Variants in CDH2 observed in about 807,000 individuals in gnomAD.
The protein encoded by CDH2 is cadherin-2.
Under a neutral mutation model 92.0 loss-of-function variants are expected in CDH2, and 17 were observed. The observed-to-expected ratio is 0.18, with a 90% confidence interval of 0.13 to 0.28. CDH2 has a LOEUF of 0.28. Ranked by LOEUF, CDH2 falls within the 10% of genes least tolerant of loss-of-function variation. CDH2 has a pLI of 1.00. For missense variants in CDH2, 862 were observed against 1,133.1 expected (o/e 0.76, Z 3.44); for synonymous variants, 419 against 415.9 (o/e 1.01, Z -0.09).
In CDH2 at chr18:28,167,875, A is replaced by G. The variant is rs190777948; in HGVS notation, c.60+9088T>C. ...GTGTTGACACCAAATAGACTTTAGC[A>G]AGAGAGTGGGTGCCAAAGGCCAATA... On this transcript the variant is annotated intron_variant, in intron 1 of 15. Coordinates refer to ENST00000269141, the MANE Select transcript of CDH2 (RefSeq NM_001792.5). 1.6e-4 allele frequency among the ~76,000 whole-genome samples: 25 copies of G among 152,264 alleles called. No individual in the cohort carries two copies. In the East Asian group the frequency reaches 4.8e-3, roughly 29 times the overall value.
chr18:28,168,694 A>G (rs2016420795), intron 1 of CDH2: 1 of 244,480 alleles, frequency 4.1e-6, no homozygotes, highest in Non-Finnish European at 6.5e-6. Flanking sequence ...CCTAAAGACC[A>G]CAGGAAAAAA....
At chr18:27,999,202 A>G (rs1415117693) in intron 7 of CDH2, among the ~76,000 whole-genome samples, 1 of 152,158 alleles carries the variant, frequency 6.6e-6, no homozygotes, top group Non-Finnish European at 1.5e-5. Context: ...TGTGTGGTTC[A>G]ATGAGTGGTT....
chr18:27,960,668 T>C (rs2011378217), intron 15 of CDH2, among the ~76,000 whole-genome samples: 1 of 152,214 alleles, frequency 6.6e-6, no homozygotes, highest in Non-Finnish European at 1.5e-5. Flanking sequence ...CACAGTTATG[T>C]TACACACATG....
chr18:28,019,890 A>G (rs17468261), intron 2 of CDH2, among the ~76,000 whole-genome samples: 29,896 of 152,070 alleles, frequency 0.2, 3,397 homozygotes, highest in Non-Finnish European at 0.25. Flanking sequence ...TCTTAGATAA[A>G]ACTAAGTCAA....
intron 1 of CDH2, among the ~76,000 whole-genome samples, chr18:28,171,524 G>T (rs1172098894): frequency 1.3e-5 from 2 of 152,020 alleles, no homozygotes; most frequent in African/African-American, 2.4e-5. Context: ...ACTGGCAAAG[G>T]TAGCACAGCC....
chr18:28,041,578 C>A (rs543567372), intron 2 of CDH2, among the ~76,000 whole-genome samples: 1 of 152,296 alleles, frequency 6.6e-6, no homozygotes, highest in East Asian at 1.9e-4. Context: ...CACAGCAGTG[C>A]ACGCAACACT....
chr18:27,964,668 C>A (rs2011493424), intron 14 of CDH2, among the ~76,000 whole-genome samples: 1 of 152,186 alleles, frequency 6.6e-6, no homozygotes, highest in Non-Finnish European at 1.5e-5. Flanking sequence ...AGGTGTCTTA[C>A]ATATGTTCAC....
At chr18:27,971,188 A>T (rs911984644) in intron 14 of CDH2, among the ~76,000 whole-genome samples, 4 of 151,990 alleles carry the variant, frequency 2.6e-5, no homozygotes, top group Non-Finnish European at 5.9e-5. Context: ...GTAAGCCAAG[A>T]TCACACCACT....
intron 11 of CDH2, 50 bp downstream of exon 11, chr18:27,988,474 T>A: frequency 6.5e-7 from 1 of 1,534,720 alleles, no homozygotes; most frequent in East Asian, 2.3e-5. Flanking sequence ...GCATGCATGA[T>A]GAGGATCTAC....
chr18:27,952,372 A>G lies in CDH2; in HGVS notation c.2515-13T>C, dbSNP rs1427122213. 1 of 1,606,984 alleles carries G rather than the reference A, an allele frequency of 6.2e-7. No individual in the cohort carries two copies. The highest frequency in any genetic ancestry group is 8.5e-7 in the Non-Finnish European group (1 of 1,173,846). On this transcript the variant is annotated splice_polypyrimidine_tract_variant and intron_variant, in intron 15 of 15. Coordinates refer to ENST00000269141, the MANE Select transcript of CDH2 (RefSeq NM_001792.5). ...CCGCTTTAAGGCCCTGCAATTTGGA[A>G]ACACAAAGAATGAAAGAATTAAGAG... is the stretch of plus-strand genomic sequence containing the variant.
intron 2 of CDH2, among the ~76,000 whole-genome samples, chr18:28,139,461 C>T (rs1356076474): frequency 6.6e-6 from 1 of 152,024 alleles, no homozygotes; most frequent in Admixed American, 6.6e-5. Context: ...AGTTTCCAGA[C>T]TCCACCTGAC....
At chr18:28,149,893 A>T (rs1436476765) in intron 1 of CDH2, among the ~76,000 whole-genome samples, 1 of 152,176 alleles carries the variant, frequency 6.6e-6, no homozygotes, top group East Asian at 1.9e-4. Flanking sequence ...ATAATGAAAA[A>T]GAGAAAATAT....
At chr18:28,146,465 G>C (rs1255627745) in intron 2 of CDH2, 1 of 152,100 alleles carries the variant, frequency 6.6e-6, no homozygotes, top group African/African-American at 2.4e-5. Context: ...TAGCAATTCA[G>C]TGTTGAGACA....
chr18:27,944,282 G>C (rs1598977635), intron 6 of CDH2, among the ~76,000 whole-genome samples: 1 of 152,044 alleles, frequency 6.6e-6, no homozygotes, highest in African/African-American at 2.4e-5. Flanking sequence ...ACAAGATAAA[G>C]GTCAACATTC....
At chr18:28,167,536 A>G (rs1361805568) in intron 1 of CDH2, among the ~76,000 whole-genome samples, 1 of 152,126 alleles carries the variant, frequency 6.6e-6, no homozygotes, top group African/African-American at 2.4e-5. Context: ...GACACAAAAG[A>G]GAATATGGTT....
At chr18:28,174,077 C>T (rs961830907) in intron 1 of CDH2, among the ~76,000 whole-genome samples, 1 of 152,072 alleles carries the variant, frequency 6.6e-6, no homozygotes, top group African/African-American at 2.4e-5. Context: ...CTAGTAATTT[C>T]TCTAAGTAAA....
chr18:27,954,276 G>A (rs570257659), intron 15 of CDH2, among the ~76,000 whole-genome samples: 2 of 152,212 alleles, frequency 1.3e-5, no homozygotes, highest in South Asian at 4.1e-4. Context: ...ACTCCCTTCT[G>A]TGGTAGATTG....
At chr18:28,152,726 C>G (rs943645589) in intron 1 of CDH2, among the ~76,000 whole-genome samples, 1 of 152,118 alleles carries the variant, frequency 6.6e-6, no homozygotes, top group Non-Finnish European at 1.5e-5. Flanking sequence ...AGATTTTAAG[C>G]ACAGACCGAA....
At chr18:28,106,399 A>G (rs1568000579) in intron 2 of CDH2, among the ~76,000 whole-genome samples, 2 of 151,970 alleles carry the variant, frequency 1.3e-5, no homozygotes, top group African/African-American at 2.4e-5. Context: ...TCTGGGTGCC[A>G]GAGTGAGATT....
Sources: allele counts gnomAD v4.1 joint callset (sites outside exome capture counted in the v4.1 genomes callset), GRCh38; gene constraint gnomAD v4.1.1; transcripts MANE v1.5; gene names NCBI Gene and HGNC (gene_info 2026-07-23, HGNC 2026-07-21).